Variants in ZFHX3 observed in about 807,000 individuals in gnomAD.
ZFHX3 encodes the protein zinc finger homeobox 3.
In ZFHX3, 42 loss-of-function variants were observed where a neutral mutation model predicts 279.1. The ratio of observed to expected loss-of-function variants is 0.15; its 90% CI spans 0.12 to 0.19. The LOEUF is 0.19. ZFHX3 is among the 10% of genes least tolerant of loss of function. ZFHX3 has a pLI of 1.00. For missense variants in ZFHX3, 4,981 were observed against 4,754.0 expected (o/e 1.05, Z -1.40); for synonymous variants, 2,293 against 1,957.8 (o/e 1.17, Z -4.52).
At chr16:73,059,001 TG>T (rs1965638217) in exon 1 of ZFHX3, 1 of 158,452 alleles carries the variant, frequency 6.3e-6, no homozygotes, top group Non-Finnish European at 1.4e-5. Context: ...GGGGACGCGC[TG>T]GAAGTGGGAG....
At chr16:73,157,760 A>G (rs1477554120) in intron 5 of ZFHX3, among the ~76,000 whole-genome samples, 3 of 152,144 alleles carry the variant, frequency 2.0e-5, no homozygotes. Context: ...CTATGGCATT[A>G]TTTAGTTAGT....
intron 2 of ZFHX3, among the ~76,000 whole-genome samples, chr16:73,588,684 G>A (rs369470686): frequency 1.4e-5 from 2 of 143,866 alleles, no homozygotes; most frequent in African/African-American, 2.7e-5. Flanking sequence ...AGTGAGACTC[G>A]GTCTCAAAAA....
chr16:72,803,140 T>G (rs1262008379), intron 7 of ZFHX3, among the ~76,000 whole-genome samples: 2 of 152,186 alleles, frequency 1.3e-5, no homozygotes, highest in Non-Finnish European at 2.9e-5. Context: ...AAGACCAGCC[T>G]GGCCAACATG....
chr16:73,034,879 G>C lies in ZFHX3; in HGVS notation c.-50+12873C>G, dbSNP rs549971350. The stretch of plus-strand genomic sequence containing the variant: ...TCCTAACAATCTCATGAGCATGTCG[G>C]GGGAGCCAGGCATTTCTGACCAAAC... On this transcript the variant is annotated intron_variant, in intron 1 of 9. Transcript: ENST00000268489. Among the ~76,000 whole-genome samples the C allele has an allele frequency of 5.3e-5, 8 of 152,318 alleles. No individual in the cohort carries two copies. The South Asian group carries it at 1.5e-3, about 28-fold the overall frequency.
intron 5 of ZFHX3, among the ~76,000 whole-genome samples, chr16:73,218,954 C>T (rs2012308395): frequency 6.6e-6 from 1 of 152,156 alleles, no homozygotes; most frequent in Non-Finnish European, 1.5e-5. Context: ...TCTCCCATTT[C>T]CTCTTCCCCC....
intron 3 of ZFHX3, among the ~76,000 whole-genome samples, chr16:72,926,000 C>T (rs1337668355): frequency 6.6e-6 from 1 of 152,178 alleles, no homozygotes; most frequent in African/African-American, 2.4e-5. Flanking sequence ...AGAGAGGAAG[C>T]AGGTAACTGA....
At position 73,510,413 on chromosome 16, in the gene ZFHX3, T is replaced by C. The variant is rs994682639; in HGVS notation, c.-1546-54155A>G. On this transcript the variant is annotated intron_variant, in intron 2 of 17. Coordinates refer to the ZFHX3 transcript ENST00000641206. ...CCAACCCTAATGCCAGCATACTTTATTACTTGCTATTCATTGTCTATGACA... is the reference window on the plus strand; with the variant it reads ...CCAACCCTAATGCCAGCATACTTTACTACTTGCTATTCATTGTCTATGACA... Among the ~76,000 whole-genome samples, 15 of 152,304 alleles carry C rather than the reference T, an allele frequency of 9.8e-5. No individual in the cohort carries two copies. The East Asian group carries it at 2.9e-3, about 29-fold the overall frequency.
At chr16:73,649,809 C>T (rs577611648) in intron 2 of ZFHX3, among the ~76,000 whole-genome samples, 4 of 152,138 alleles carry the variant, frequency 2.6e-5, no homozygotes, top group African/African-American at 9.6e-5. Flanking sequence ...CTCAACATAG[C>T]AATAATTCAT....
At chr16:73,415,436 A>G (rs2017551931) in intron 3 of ZFHX3, among the ~76,000 whole-genome samples, 1 of 152,226 alleles carries the variant, frequency 6.6e-6, no homozygotes. Flanking sequence ...GCCTGATTCA[A>G]AGTAATGAAA....
chr16:73,270,436 T>A (rs7499224), intron 4 of ZFHX3, among the ~76,000 whole-genome samples: 69,635 of 151,992 alleles, frequency 0.46, 16,726 homozygotes, highest in East Asian at 0.66. Context: ...TTTTCTTCCA[T>A]GCTGAGCTCA....
intron 4 of ZFHX3, among the ~76,000 whole-genome samples, chr16:72,864,463 G>A (rs903280832): frequency 1.4e-5 from 2 of 146,554 alleles, no homozygotes; most frequent in Non-Finnish European, 3.0e-5. Context: ...AGTCTTGAGG[G>A]GGCGTTCATC....
chr16:72,950,355 C>A, intron 3 of ZFHX3, 114 bp downstream of exon 3: 1 of 1,488,690 alleles, frequency 6.7e-7, no homozygotes, highest in Non-Finnish European at 9.0e-7. Flanking sequence ...CAACCAACAG[C>A]CAAGCAGGCC....
intron 3 of ZFHX3, among the ~76,000 whole-genome samples, chr16:73,345,550 G>A (rs2016108239): frequency 6.6e-6 from 1 of 152,006 alleles, no homozygotes; most frequent in African/African-American, 2.4e-5. Context: ...CTCCATCCAT[G>A]TCCCTGCGAG....
intron 2 of ZFHX3, among the ~76,000 whole-genome samples, chr16:73,509,046 T>C (rs2019377383): frequency 6.6e-6 from 1 of 152,186 alleles, no homozygotes; most frequent in African/African-American, 2.4e-5. Context: ...GAGAAATGCG[T>C]GTGCACAAAG....
intron 1 of ZFHX3, among the ~76,000 whole-genome samples, chr16:73,850,951 T>C (rs1961578710): frequency 6.6e-6 from 1 of 152,146 alleles, no homozygotes; most frequent in African/African-American, 2.4e-5. Flanking sequence ...ACAAGGGTGA[T>C]CTCTGGGGCA....
At chr16:72,937,915 CT>C (rs370893709) in intron 3 of ZFHX3, among the ~76,000 whole-genome samples, 27 of 152,368 alleles carry the variant, frequency 1.8e-4, no homozygotes, top group African/African-American at 5.5e-4. Flanking sequence ...TCCTCAGCTA[CT>C]TTTCTTGCAA....
At chr16:72,838,304 T>C (rs994385932) in intron 4 of ZFHX3, among the ~76,000 whole-genome samples, 1 of 151,532 alleles carries the variant, frequency 6.6e-6, no homozygotes. Flanking sequence ...ACAAGAAAAA[T>C]GGGGATTGTG....
At chr16:73,413,328 T>C (rs2017506966) in intron 3 of ZFHX3, among the ~76,000 whole-genome samples, 1 of 152,118 alleles carries the variant, frequency 6.6e-6, no homozygotes, top group Admixed American at 6.5e-5. Context: ...GAGGGGAGGC[T>C]GGTTTGGGTG....
At chr16:73,718,812 C>T (rs902105230) in intron 1 of ZFHX3, among the ~76,000 whole-genome samples, 4 of 151,836 alleles carry the variant, frequency 2.6e-5, no homozygotes, top group Admixed American at 6.6e-5. Context: ...GACGGGGTTT[C>T]GCCATATTGG....
Sources: gnomAD v4.1 joint callset for allele counts (sites outside exome capture counted in the v4.1 genomes callset) on GRCh38, gnomAD v4.1.1 for gene constraint, MANE v1.5 for transcripts, NCBI Gene and HGNC (gene_info 2026-07-23, HGNC 2026-07-21) for gene names.